OTOF: variants seen among roughly 807,000 people sequenced by gnomAD.
The protein encoded by OTOF is fer-1-like family member 2.
In OTOF, 218 loss-of-function variants were observed where a neutral mutation model predicts 236.8. That is an observed-to-expected ratio of 0.92 (90% CI 0.82 to 1.03). The LOEUF (loss-of-function observed/expected upper bound fraction) is 1.03, where lower values mean the gene tolerates loss of function less well. OTOF is among the 50% of genes least tolerant of loss of function. The pLI is 0.00. For missense variants in OTOF, 2,590 were observed against 2,694.4 expected (o/e 0.96, Z 0.86); for synonymous variants, 1,041 against 1,072.5 (o/e 0.97, Z 0.57).
At chr2:26,482,324 G>A in intron 14 of OTOF, 82 bp downstream of exon 14, 3 of 1,316,232 alleles carry the variant, frequency 2.3e-6, no homozygotes, top group Non-Finnish European at 3.3e-6. Context: ...TGACGGTGGT[G>A]TGAAGAGAGG....
Position 26,473,396 on chromosome 2 carries a change from C to G in OTOF, c.3570+10G>C, listed in dbSNP as rs1665094695. 1 of 1,613,266 alleles carries G rather than the reference C, an allele frequency of 6.2e-7. No homozygotes were observed. On this transcript the variant is annotated intron_variant, in intron 28 of 46. Coordinates refer to ENST00000272371, the MANE Select transcript of OTOF (RefSeq NM_194248.3). The surrounding 1 kb of genome is among the most constrained non-coding windows in gnomAD (Gnocchi z 7.2). ...GCCACAGGATGTCCTCCGCCAGGGCCTGCACTCACCACTTCAAACCACTTG... is the reference window on the plus strand; with the variant it reads ...GCCACAGGATGTCCTCCGCCAGGGCGTGCACTCACCACTTCAAACCACTTG...
chr2:26,462,126 C>T lies in OTOF; in HGVS notation c.5248G>A (p.Asp1750Asn), dbSNP rs750665234. 1.8e-5 allele frequency: 29 copies of T among 1,613,694 alleles called. No homozygotes were observed. The highest frequency in any genetic ancestry group is 2.4e-5 in the Non-Finnish European group (28 of 1,179,968). The change falls in exon 42 of 47, where the codon GAC (aspartate) becomes AAC (asparagine). Residue 1750 changes from aspartate to asparagine, a missense_variant. Asp to Asn is a conservative substitution (Grantham distance 23). Around this residue, in one of 2 missense-constraint regions of OTOF, gnomAD observed 1,211 missense variants for 1,352.8 expected, o/e 0.90. Transcript: ENST00000272371. This position sits in a 1 kb window ranked among gnomAD's most constrained non-coding sequence, Gnocchi z 4.7. Reference protein sequence around the residue: ...NTDEVVLEDDDFFTGEKSSDI... With the variant: ...NTDEVVLEDDNFFTGEKSSDI... The stretch of plus-strand genomic sequence containing the variant: ...CTGGACTTCTCCCCTGTGAAGAAGT[C>T]GTCGTCCTCCAAGACCACCTCATCT...
At chr2:26,465,882 T>G in intron 37 of OTOF, 40 bp from the exon 38 acceptor site, 1 of 1,614,064 alleles carries the variant, frequency 6.2e-7, no homozygotes, top group South Asian at 1.1e-5. Context: ...AAGGATTGGC[T>G]AGGGTGGGAG....
intron 24 of OTOF, 104 bp downstream of exon 24, chr2:26,475,810 C>CCAGGCCCCACAGGCTCA (rs1025558088): frequency 5.0e-5 from 72 of 1,442,584 alleles, no homozygotes; most frequent in Non-Finnish European, 6.4e-5. Context: ...ACCTGTGGCT[C>CCAGGCCCCACAGGCTCA]CAGGCCCCAC....
At position 26,479,150 on chromosome 2, in the gene OTOF, G is replaced by T. The variant is rs1665446254; in HGVS notation, c.2214+114C>A. On this transcript the variant is annotated intron_variant, in intron 18 of 46. Transcript: ENST00000272371. ...AGAATGGGAACAGAGGTCCTGCTGG[G>T]GCCGTTCCTGCAGCCCCCTGGGCAG... 1.9e-5 allele frequency: 26 copies of T among 1,375,880 alleles called. 2 individuals carry two copies. In the South Asian group the frequency reaches 3.1e-4, roughly 17 times the overall value. 85.2% of individuals were successfully genotyped at this position (1,375,880 alleles called of 1,614,324 possible). A position where few individuals can be genotyped will look rare whatever the true frequency, so the allele number is the denominator to read the frequency against.
intron 13 of OTOF, among the ~76,000 whole-genome samples, chr2:26,482,992 GGTGCATGT>G (rs139450940): frequency 0.44 from 59,566 of 134,564 alleles, 14,015 homozygotes; most frequent in East Asian, 0.87. Flanking sequence ...TGTGTGAGTG[GGTGCATGT>G]GTGCATGTGT....
At chr2:26,496,599 G>A (rs1202810210) in intron 8 of OTOF, among the ~76,000 whole-genome samples, 1 of 152,024 alleles carries the variant, frequency 6.6e-6, no homozygotes, top group South Asian at 2.1e-4. Context: ...GAGAGAGAGA[G>A]AGCCAGAGCA....
At chr2:26,466,893 C>T in intron 35 of OTOF, 42 bp from the exon 36 acceptor site, 1 of 1,613,872 alleles carries the variant, frequency 6.2e-7, no homozygotes. Context: ...GTTTGCCTGG[C>T]AAGGGTGGCA....
chr2:26,499,414 T>A (rs1666065337), intron 8 of OTOF, among the ~76,000 whole-genome samples: 1 of 152,152 alleles, frequency 6.6e-6, no homozygotes, highest in Admixed American at 6.5e-5. Context: ...ACCAACGAGG[T>A]GTCCTTCCTG....
intron 5 of OTOF, among the ~76,000 whole-genome samples, chr2:26,504,275 G>A (rs547274403): frequency 3.3e-5 from 5 of 152,314 alleles, no homozygotes; most frequent in Non-Finnish European, 7.3e-5. Flanking sequence ...GAGAAAGCCC[G>A]AGGACTGGAG....
In OTOF at chr2:26,464,091, G is replaced by A. The variant is rs768822093; in HGVS notation, c.4976C>T (p.Thr1659Ile). 1.2e-6 allele frequency: 2 copies of A among 1,613,586 alleles called. No homozygotes were observed. Among genetic ancestry groups the A allele is most frequent in the Admixed American group, 1.7e-5 (1 of 60,028 alleles). The change falls in exon 40 of 47, where the codon ACA (threonine) becomes ATA (isoleucine). Residue 1659 changes from threonine to isoleucine, a missense_variant. Transcript: ENST00000272371. ...GGCCAACAGCGCCACATGCTCGTCT[G>A]TGGGCTTCCTCTGACCTGTGGGTGC... ...IEDENGQRKP[T>I]DEHVALLALR...
intron 25 of OTOF, 33 bp from the exon 26 acceptor site, chr2:26,474,707 T>A: frequency 6.2e-7 from 1 of 1,612,542 alleles, no homozygotes; most frequent in Non-Finnish European, 8.5e-7. Flanking sequence ...AGCCTCTTGG[T>A]GCTTGCTGTC....
intron 11 of OTOF, among the ~76,000 whole-genome samples, chr2:26,486,715 G>T (rs1378726906): frequency 6.6e-6 from 1 of 152,210 alleles, no homozygotes; most frequent in Admixed American, 6.5e-5. Context: ...GACTAAGCAA[G>T]GTTAGAGGAC....
intron 5 of OTOF, among the ~76,000 whole-genome samples, chr2:26,513,080 G>A (rs957303270): frequency 3.3e-5 from 5 of 152,158 alleles, no homozygotes; most frequent in East Asian, 1.9e-4. Context: ...GAGGGCATGC[G>A]GCTGACCAGG....
At chr2:26,513,695 T>C (rs1666447695) in intron 5 of OTOF, among the ~76,000 whole-genome samples, 2 of 152,172 alleles carry the variant, frequency 1.3e-5, no homozygotes, top group South Asian at 4.1e-4. Flanking sequence ...TATAAGGGGA[T>C]TGGCCTTCCC....
intron 5 of OTOF, among the ~76,000 whole-genome samples, chr2:26,511,824 T>C (rs1164910394): frequency 6.6e-6 from 1 of 152,200 alleles, no homozygotes; most frequent in Non-Finnish European, 1.5e-5. Context: ...GGGCTCAGCC[T>C]GGAGAAGGAA....
At chr2:26,488,833 C>T (rs1397358966) in intron 11 of OTOF, among the ~76,000 whole-genome samples, 2 of 152,234 alleles carry the variant, frequency 1.3e-5, no homozygotes, top group Non-Finnish European at 2.9e-5. Flanking sequence ...AGTCTGGGCG[C>T]AGCCTCTCTG....
chr2:26,536,924 G>A (rs1023891055), intron 2 of OTOF, among the ~76,000 whole-genome samples: 6 of 152,172 alleles, frequency 3.9e-5, no homozygotes, highest in African/African-American at 1.4e-4. Flanking sequence ...CAGGCTGCTC[G>A]AGCTGGTGTG....
chr2:26,539,287 G>A (rs1255133858), intron 1 of OTOF, among the ~76,000 whole-genome samples: 2 of 152,066 alleles, frequency 1.3e-5, no homozygotes, highest in South Asian at 2.1e-4. Context: ...AGAAAAATTT[G>A]TTGCTTAGAA....
Sources: allele counts gnomAD v4.1 joint callset (sites outside exome capture counted in the v4.1 genomes callset), GRCh38; gene constraint gnomAD v4.1.1; regional missense constraint gnomAD v4.1.1; non-coding constraint Gnocchi (gnomAD v3.1); transcripts MANE v1.5; gene names NCBI Gene and HGNC (gene_info 2026-07-23, HGNC 2026-07-21).